The following PTP4A2 variants were observed in gnomAD, a reference collection of about 807,000 sequenced individuals.
PTP4A2 encodes the protein protein tyrosine phosphatase 4A2.
PTP4A2 carries 2 observed loss-of-function variants against 22.9 expected under a neutral mutation model. That is an observed-to-expected ratio of 0.09 (90% CI 0.04 to 0.27). The LOEUF (loss-of-function observed/expected upper bound fraction) is 0.27. Ranked by LOEUF, PTP4A2 falls within the 10% of genes least tolerant of loss-of-function variation. The pLI is 1.00. For synonymous variants in PTP4A2, 68 were observed against 69.1 expected (o/e 0.98, Z 0.08); for missense variants, 103 against 205.1 (o/e 0.50, Z 3.04).
rs988380464 is a variant in PTP4A2, at chr1:31,907,106, T to C, written c.*1746A>G. 1 of 152,234 alleles carries C rather than the reference T, an allele frequency of 6.6e-6. No individual in the cohort carries two copies. The highest frequency in any genetic ancestry group is 1.5e-5 in the Non-Finnish European group (1 of 68,046). The allele number at this position is 152,234 out of a possible 1,614,324, so 9.4% of individuals were successfully genotyped here. A position where few individuals can be genotyped will look rare whatever the true frequency, so the allele number is the denominator to read the frequency against. ...CAGCATAGGAAATAGGCAGTTCACATAGCCGGTCAACATGTGAGGTATCAT... is the reference window on the plus strand; with the variant it reads ...CAGCATAGGAAATAGGCAGTTCACACAGCCGGTCAACATGTGAGGTATCAT... On this transcript the variant is annotated 3_prime_UTR_variant, in exon 6 of 6. Coordinates refer to ENST00000647444, the MANE Select transcript of PTP4A2 (RefSeq NM_080391.4).
In PTP4A2 at chr1:31,906,925, T is replaced by C. The variant is rs1249528062; in HGVS notation, c.*1927A>G. On this transcript the variant is annotated 3_prime_UTR_variant, in exon 6 of 6. Coordinates refer to ENST00000647444, the MANE Select transcript of PTP4A2 (RefSeq NM_080391.4). ...TGTTTTGATCTTGAGTCTATATTAATGGAATCTATTGTTGCATTCTGAAAT... is the reference window on the plus strand; with the variant it reads ...TGTTTTGATCTTGAGTCTATATTAACGGAATCTATTGTTGCATTCTGAAAT... The C allele has an allele frequency of 6.6e-6, 1 of 152,230 alleles. No individual in the cohort carries two copies. Among genetic ancestry groups the C allele is most frequent in the Non-Finnish European group, 1.5e-5 (1 of 68,050 alleles). The allele number at this position is 152,230 out of a possible 1,614,324, so 9.4% of individuals were successfully genotyped here.
chr1:31,922,412 G>C (rs1011605092), intron 1 of PTP4A2, among the ~76,000 whole-genome samples: 5 of 152,196 alleles, frequency 3.3e-5, no homozygotes, highest in Non-Finnish European at 5.9e-5. Flanking sequence ...GAACCTGGGA[G>C]ACAGAGGTTG....
At chr1:31,937,790 T>C (rs1187466783) in intron 1 of PTP4A2, 197 bp downstream of exon 1, 1 of 148,040 alleles carries the variant, frequency 6.8e-6, no homozygotes, top group Non-Finnish European at 1.5e-5. Flanking sequence ...TCCCCCACGC[T>C]CGCACAGCTC....
intron 1 of PTP4A2, chr1:31,932,870 A>G (rs1383912021): frequency 6.6e-6 from 1 of 152,312 alleles, no homozygotes; most frequent in Non-Finnish European, 1.5e-5. Flanking sequence ...TTCAAGTGCC[A>G]AGACAGTGGC....
intron 1 of PTP4A2, among the ~76,000 whole-genome samples, chr1:31,920,745 C>T (rs1652106909): frequency 6.6e-6 from 1 of 151,858 alleles, no homozygotes; most frequent in Non-Finnish European, 1.5e-5. Flanking sequence ...ACCACGTTGA[C>T]CAGGCTCATC....
chr1:31,931,491 T>C (rs1311003355), intron 1 of PTP4A2, among the ~76,000 whole-genome samples: 1 of 152,214 alleles, frequency 6.6e-6, no homozygotes, highest in Non-Finnish European at 1.5e-5. Flanking sequence ...AATATTGCCA[T>C]ATTTATGGGC....
chr1:31,934,128 G>A (rs1483398235), intron 1 of PTP4A2, among the ~76,000 whole-genome samples: 1 of 152,046 alleles, frequency 6.6e-6, no homozygotes, highest in East Asian at 1.9e-4. Context: ...GCGTGGTGGC[G>A]TGTGCCGGTA....
chr1:31,906,835 T>G lies in PTP4A2; in HGVS notation c.*2017A>C, dbSNP rs1651199017. Reference sequence around the variant, plus strand: ...TTCAGAGTATGTCAAAGGAAAAAGGTTTGTTATTGTATTGATCAAAACCCA... The same window carrying G: ...TTCAGAGTATGTCAAAGGAAAAAGGGTTGTTATTGTATTGATCAAAACCCA... On this transcript the variant is annotated 3_prime_UTR_variant, in exon 6 of 6. Coordinates refer to ENST00000647444, the MANE Select transcript of PTP4A2 (RefSeq NM_080391.4). 1 of 151,468 alleles carries G rather than the reference T, an allele frequency of 6.6e-6. No individual in the cohort carries two copies. Among genetic ancestry groups the G allele is most frequent in the Admixed American group, 6.6e-5 (1 of 15,174 alleles). 9.4% of individuals were successfully genotyped at this position (151,468 alleles called of 1,614,324 possible).
At chr1:31,921,090 T>C (rs1323302385) in intron 1 of PTP4A2, among the ~76,000 whole-genome samples, 1 of 152,242 alleles carries the variant, frequency 6.6e-6, no homozygotes, top group Non-Finnish European at 1.5e-5. Context: ...CTTTCCTATA[T>C]GATACTGTAA....
In PTP4A2 at chr1:31,922,626, CTTTCTTTCT is replaced by C. The variant is rs869199249; in HGVS notation, c.-593-2977_-593-2969del. Among the ~76,000 whole-genome samples, 300 of 105,408 alleles carry C rather than the reference CTTTCTTTCT, an allele frequency of 2.8e-3. 5 individuals carry two copies. The highest frequency in any genetic ancestry group is 0.014 in the African/African-American group (292 of 20,792). 69.2% of individuals were successfully genotyped at this position (105,408 alleles called of 152,430 possible). On this transcript the variant is annotated intron_variant, in intron 1 of 5. Transcript: ENST00000647444. ...TCTTTCTTTCTTTCTTTCTTTCTTT[CTTTCTTTCT>C]TTTATTTATTTTGAGACAGGTTTTC...
intron 1 of PTP4A2, among the ~76,000 whole-genome samples, chr1:31,936,805 A>C (rs2124286824): frequency 6.6e-6 from 1 of 152,348 alleles, no homozygotes; most frequent in Middle Eastern, 3.4e-3. Flanking sequence ...CACACTCAGC[A>C]AGGCATAACT....
chr1:31,918,880 T>G lies in PTP4A2; in HGVS notation c.96+90A>C, dbSNP rs930163591. 1.8e-5 allele frequency: 14 copies of G among 771,330 alleles called. No homozygotes were observed. The African/African-American group carries it at 2.4e-4, about 13-fold the overall frequency. The allele number at this position is 771,330 out of a possible 1,614,324, so 47.8% of individuals were successfully genotyped here. ...CCAGGATTGGCAGGATGACTCCAAA[T>G]ACAGAATAAATGGCTTTGTGCTAAG... On this transcript the variant is annotated intron_variant, in intron 2 of 5. Coordinates refer to ENST00000647444, the MANE Select transcript of PTP4A2 (RefSeq NM_080391.4).
At chr1:31,936,293 G>C (rs1652929589) in intron 1 of PTP4A2, among the ~76,000 whole-genome samples, 2 of 151,954 alleles carry the variant, frequency 1.3e-5, no homozygotes, top group African/African-American at 4.8e-5. Context: ...ATGAAAATTA[G>C]CCGGGTGTGG....
At chr1:31,917,854 G>A (rs1187594078) in intron 2 of PTP4A2, among the ~76,000 whole-genome samples, 1 of 150,324 alleles carries the variant, frequency 6.7e-6, no homozygotes, top group Non-Finnish European at 1.5e-5. Context: ...CGCGCCTGTA[G>A]TCCCAGCTAC....
chr1:31,918,841 C>A, intron 2 of PTP4A2, 129 bp downstream of exon 2: 1 of 576,498 alleles, frequency 1.7e-6, no homozygotes, highest in Non-Finnish European at 3.1e-6. Context: ...GTAACTAACC[C>A]AACCCAATTC....
chr1:31,921,545 T>C (rs1386448907), intron 1 of PTP4A2: 2 of 152,234 alleles, frequency 1.3e-5, no homozygotes, highest in Non-Finnish European at 2.9e-5. Flanking sequence ...TTTTTAGGCC[T>C]GCTGCTTTGA....
chr1:31,910,380 C>A, intron 4 of PTP4A2: 1 of 298,832 alleles, frequency 3.3e-6, no homozygotes, highest in South Asian at 5.8e-5. Context: ...CCTCAACCTC[C>A]CAAAGCTCAG....
intron 2 of PTP4A2, among the ~76,000 whole-genome samples, chr1:31,916,555 T>C (rs903378397): frequency 6.6e-6 from 1 of 152,026 alleles, no homozygotes; most frequent in African/African-American, 2.4e-5. Flanking sequence ...TCACATACAC[T>C]GCAACCTAAA....
At chr1:31,930,060 C>T (rs762784882) in intron 1 of PTP4A2, among the ~76,000 whole-genome samples, 9 of 152,188 alleles carry the variant, frequency 5.9e-5, no homozygotes, top group African/African-American at 9.7e-5. Flanking sequence ...CATCTCGGGC[C>T]GGGCGTGGTG....
Sources: allele counts gnomAD v4.1 joint callset (sites outside exome capture counted in the v4.1 genomes callset), GRCh38; gene constraint gnomAD v4.1.1; transcripts MANE v1.5; gene names NCBI Gene and HGNC (gene_info 2026-07-23, HGNC 2026-07-21).